Variants in LPA observed in about 807,000 individuals in gnomAD.
LPA encodes lipoprotein(a).
LPA carries 199 observed loss-of-function variants against 197.9 expected under a neutral mutation model. The ratio of observed to expected loss-of-function variants is 1.01; its 90% CI spans 0.90 to 1.13. The LOEUF is 1.13. Ranked by LOEUF, LPA falls within the 50% of genes most tolerant of loss-of-function variation. The pLI is 0.00. For missense variants in LPA, 1,853 were observed against 1,785.8 expected, an observed-to-expected ratio of 1.04 and a Z score of -0.68; for synonymous variants, 715 against 639.5, an observed-to-expected ratio of 1.12 and a Z score of -1.78.
chr6:160,532,431 T>G (rs1172316100), intron 38 of LPA, 100 bp downstream of exon 38: 1 of 919,720 alleles, frequency 1.1e-6, no homozygotes, highest in African/African-American at 1.6e-5. Flanking sequence ...GGTCTTCCAC[T>G]GACAAAACCT....
chr6:160,548,021 G>T, intron 31 of LPA, 84 bp from the exon 32 acceptor site: 1 of 1,423,378 alleles, frequency 7.0e-7, no homozygotes, highest in Non-Finnish European at 9.8e-7. Context: ...AATCAATGCA[G>T]TCATGTCAGG....
At chr6:160,606,329 G>T in intron 17 of LPA, 148 bp downstream of exon 17, 2 of 1,209,840 alleles carry the variant, frequency 1.7e-6, no homozygotes, top group Admixed American at 4.0e-5. Flanking sequence ...CTCCCCCAGA[G>T]AGTGCACGGA....
At chr6:160,607,679 A>T (rs1324563904) in intron 16 of LPA, among the ~76,000 whole-genome samples, 1 of 148,498 alleles carries the variant, frequency 6.7e-6, no homozygotes, top group Non-Finnish European at 1.5e-5. Flanking sequence ...ATTACGGGCC[A>T]TGGGGATGAA....
At chr6:160,537,091 G>A (rs1312746472) in intron 37 of LPA, among the ~76,000 whole-genome samples, 1 of 152,192 alleles carries the variant, frequency 6.6e-6, no homozygotes, top group Non-Finnish European at 1.5e-5. Flanking sequence ...GCACCTCTGA[G>A]AAAGTAGAGC....
intron 37 of LPA, among the ~76,000 whole-genome samples, chr6:160,536,103 CAG>C (rs796843604): frequency 7.2e-5 from 11 of 152,300 alleles, no homozygotes; most frequent in African/African-American, 2.6e-4. Context: ...TTTGACTTCT[CAG>C]AGTGGGCAGA....
At chr6:160,606,384 G>T in intron 17 of LPA, 93 bp downstream of exon 17, 1 of 1,524,754 alleles carries the variant, frequency 6.6e-7, no homozygotes, top group African/African-American at 1.4e-5. Flanking sequence ...TCGAGCATCC[G>T]TTTACCATTG....
chr6:160,647,127 C>T (rs1344898414), intron 2 of LPA, among the ~76,000 whole-genome samples: 1 of 152,186 alleles, frequency 6.6e-6, no homozygotes, highest in African/African-American at 2.4e-5. Context: ...CTCCTGCTCT[C>T]AGTCTATCCT....
At chr6:160,569,132 C>T (rs1227526679) in intron 28 of LPA, among the ~76,000 whole-genome samples, 1 of 152,182 alleles carries the variant, frequency 6.6e-6, no homozygotes, top group East Asian at 1.9e-4. Flanking sequence ...GAAAAAACTA[C>T]TTTAAAGTTC....
chr6:160,574,653 TCTC>T (rs1191149275), intron 28 of LPA, among the ~76,000 whole-genome samples: 1 of 152,140 alleles, frequency 6.6e-6, no homozygotes, highest in African/African-American at 2.4e-5. Context: ...GTTGGGAACT[TCTC>T]CTGCAAACAG....
intron 16 of LPA, among the ~76,000 whole-genome samples, chr6:160,608,064 C>T (rs570947920): frequency 1.3e-5 from 2 of 152,082 alleles, no homozygotes; most frequent in Non-Finnish European, 1.5e-5. Flanking sequence ...AAATATATTG[C>T]TATCATTTTG....
chr6:160,595,210 G>A (rs1779106698), intron 21 of LPA, 144 bp downstream of exon 21: 1 of 1,004,740 alleles, frequency 1.0e-6, no homozygotes, highest in Non-Finnish European at 1.5e-6. Flanking sequence ...AGAAGGCGCT[G>A]AGTGTTCCTT....
At chr6:160,589,442 A>G (rs1357635461) in intron 24 of LPA, 111 bp downstream of exon 24, 2 of 1,292,140 alleles carry the variant, frequency 1.5e-6, no homozygotes, top group African/African-American at 1.5e-5. Flanking sequence ...TCTGTCCAAC[A>G]TTCTGGGTCT....
At chr6:160,587,130 G>T (rs574468965) in intron 24 of LPA, among the ~76,000 whole-genome samples, 2 of 152,256 alleles carry the variant, frequency 1.3e-5, no homozygotes, top group African/African-American at 2.4e-5. Context: ...ACATACAGTT[G>T]ATCTCAATAT....
intron 30 of LPA, among the ~76,000 whole-genome samples, chr6:160,552,197 C>T (rs1778177589): frequency 6.6e-6 from 1 of 152,186 alleles, no homozygotes; most frequent in Non-Finnish European, 1.5e-5. Context: ...CAGGCATGAG[C>T]CAAGGGGCCA....
chr6:160,531,772 G>A lies in LPA; in HGVS notation c.6080C>T (p.Ser2027Leu). Residue 2027 changes from serine to leucine, a missense_variant, in exon 39 of 39, where the codon TCA (serine) becomes TTA (leucine). Physicochemically the swap from Ser to Leu is moderately radical, Grantham distance 145. Transcript: ENST00000316300. Reference protein sequence around the residue: ...PNKPGVYARVSRFVTWIEGMM... With the variant: ...PNKPGVYARVLRFVTWIEGMM... ...TCCCTCAATCCAAGTAACAAACCTT[G>A]AAACACGAGCATAGACACCAGGCTT... The A allele has an allele frequency of 6.2e-7, 1 of 1,614,036 alleles. No homozygotes were observed. Among genetic ancestry groups the A allele is most frequent in the South Asian group, 1.1e-5 (1 of 91,082 alleles).
rs370324210 is a variant in LPA at position 160,652,303 on chromosome 6, G to A, written c.50-1806C>T. On this transcript the variant is annotated intron_variant, in intron 1 of 38. Coordinates refer to ENST00000316300, the MANE Select transcript of LPA (RefSeq NM_005577.4). ...CAAAGATGAGAATATCTTAAAGGCA[G>A]TCAGAGAAAAAGGAACTATTGAATA... Among the ~76,000 whole-genome samples the A allele has an allele frequency of 1.6e-4, 24 of 152,182 alleles. 1 individual carries two copies. Among genetic ancestry groups the A allele is most frequent in the African/African-American group, 5.5e-4 (23 of 41,556 alleles).
chr6:160,595,611 C>G (rs1779117619), intron 20 of LPA, 76 bp from the exon 21 acceptor site: 2 of 1,604,064 alleles, frequency 1.2e-6, no homozygotes, highest in Admixed American at 3.4e-5. Flanking sequence ...CTACATTTTG[C>G]TGTAACAAAG....
Position 160,578,854 on chromosome 6 carries a change from G to T in LPA, c.4290-150C>A, listed in dbSNP as rs925900003. ...AATAATATTGCCACAAGCACAAATG[G>T]TCTTCAGCTTCAACTTTTAAACAAC... On this transcript the variant is annotated intron_variant, in intron 26 of 38. Coordinates refer to ENST00000316300, the MANE Select transcript of LPA (RefSeq NM_005577.4). 13 of 1,202,654 alleles carry T rather than the reference G, an allele frequency of 1.1e-5. No homozygotes were observed. The Admixed American group carries it at 2.0e-4, about 18-fold the overall frequency. 74.5% of individuals were successfully genotyped at this position (1,202,654 alleles called of 1,614,324 possible). A position where few individuals can be genotyped will look rare whatever the true frequency, so the allele number is the denominator to read the frequency against.
intron 1 of LPA, among the ~76,000 whole-genome samples, chr6:160,660,618 G>A (rs1780208138): frequency 6.6e-6 from 1 of 152,190 alleles, no homozygotes. Flanking sequence ...CTTACAATAT[G>A]TGCATTGGTT....
Sources: gnomAD v4.1 joint callset for allele counts (sites outside exome capture counted in the v4.1 genomes callset) on GRCh38, gnomAD v4.1.1 for gene constraint, MANE v1.5 for transcripts, NCBI Gene and HGNC (gene_info 2026-07-23, HGNC 2026-07-21) for gene names.